The following ITGA8 variants were observed in gnomAD, a reference collection of about 807,000 sequenced individuals.
ITGA8 encodes integrin alpha-8.
A neutral mutation model predicts 142.3 loss-of-function variants in ITGA8; 91 were observed. That is an observed-to-expected ratio of 0.64 (90% confidence interval 0.54 to 0.76). The LOEUF is 0.76. Ranked by LOEUF, ITGA8 falls within the 30% of genes least tolerant of loss-of-function variation. ITGA8 has a pLI of 0.00. For synonymous variants in ITGA8, 505 were observed against 485.2 expected (o/e 1.04, Z -0.54); for missense variants, 1,406 against 1,327.7 (o/e 1.06, Z -0.92).
chr10:15,634,143 T>C (rs1833731142), intron 13 of ITGA8, among the ~76,000 whole-genome samples: 2 of 152,178 alleles, frequency 1.3e-5, no homozygotes, highest in South Asian at 4.2e-4. Flanking sequence ...CTTATCACCT[T>C]AGCAAGAAAC....
chr10:15,592,735 GC>G (rs1832947800), intron 21 of ITGA8, among the ~76,000 whole-genome samples: 1 of 152,150 alleles, frequency 6.6e-6, no homozygotes, highest in African/African-American at 2.4e-5. Flanking sequence ...CTCCCAAGTA[GC>G]AAGGGTCACA....
chr10:15,704,761 CACTG>C (rs1835227068), intron 2 of ITGA8, among the ~76,000 whole-genome samples: 1 of 152,178 alleles, frequency 6.6e-6, no homozygotes, highest in African/African-American at 2.4e-5. Context: ...GAAGGTGACT[CACTG>C]ACATAAATTT....
chr10:15,699,081 C>T (rs573010123), intron 2 of ITGA8, among the ~76,000 whole-genome samples: 9 of 152,210 alleles, frequency 5.9e-5, no homozygotes, highest in South Asian at 2.1e-4. Flanking sequence ...GTCAGGAGTT[C>T]GAAACGAGCA....
At chr10:15,690,273 A>AT (rs1275234336) in intron 2 of ITGA8, among the ~76,000 whole-genome samples, 1 of 151,990 alleles carries the variant, frequency 6.6e-6, no homozygotes, top group East Asian at 1.9e-4. Context: ...ACATTGTGGT[A>AT]TTTTTTCTCA....
intron 25 of ITGA8, among the ~76,000 whole-genome samples, chr10:15,563,767 T>C (rs10752400): frequency 0.49 from 74,375 of 151,718 alleles, 21,754 homozygotes; most frequent in Non-Finnish European, 0.64. Context: ...ATACAAAAAT[T>C]AGCCAGGCTG....
intron 11 of ITGA8, among the ~76,000 whole-genome samples, chr10:15,651,457 C>T (rs149257115): frequency 6.6e-6 from 1 of 152,046 alleles, no homozygotes; most frequent in Admixed American, 6.6e-5. Context: ...CTCAATCGTA[C>T]TTGGAGATTT....
intron 11 of ITGA8, among the ~76,000 whole-genome samples, chr10:15,648,594 G>T (rs1011007527): frequency 2.0e-5 from 3 of 151,692 alleles, no homozygotes; most frequent in African/African-American, 7.3e-5. Context: ...CTTACTAACA[G>T]ATTCCATATC....
intron 20 of ITGA8, among the ~76,000 whole-genome samples, chr10:15,600,699 T>G (rs1268093115): frequency 1.3e-5 from 2 of 152,296 alleles, no homozygotes; most frequent in Non-Finnish European, 2.9e-5. Flanking sequence ...GAAAGATGGA[T>G]TTTTTTCTAG....
rs1195802629 is a variant in ITGA8, at chr10:15,556,006, GTC to G, written c.2766+2066_2766+2067del. Among the ~76,000 whole-genome samples, 241 of 110,624 alleles carry G rather than the reference GTC, an allele frequency of 2.2e-3. 12 individuals carry two copies. Among genetic ancestry groups the G allele is most frequent in the African/African-American group, 6.4e-3 (191 of 29,994 alleles). The allele number at this position is 110,624 out of a possible 152,430, so 72.6% of individuals were successfully genotyped here. Reference sequence around the variant, plus strand: ...ATTTGCCCTGCGGTCTTCTGCCAGGGTCTCTCTCTCTCTTTTTTTTTTTTTTT... The same window carrying G: ...ATTTGCCCTGCGGTCTTCTGCCAGGGTCTCTCTCTCTTTTTTTTTTTTTTT... On this transcript the variant is annotated intron_variant, in intron 26 of 29. Transcript: ENST00000378076.
intron 26 of ITGA8, among the ~76,000 whole-genome samples, chr10:15,553,829 T>C (rs774633044): frequency 3.9e-5 from 6 of 151,980 alleles, no homozygotes; most frequent in Non-Finnish European, 8.8e-5. Context: ...GCTGAAACCC[T>C]GTCTTTACAA....
At chr10:15,690,431 G>T (rs967665453) in intron 2 of ITGA8, among the ~76,000 whole-genome samples, 4 of 152,174 alleles carry the variant, frequency 2.6e-5, no homozygotes, top group African/African-American at 9.7e-5. Context: ...CCTGCCTCCT[G>T]GGCCTCGGCT....
chr10:15,680,245 T>G (rs1272831001), intron 4 of ITGA8, among the ~76,000 whole-genome samples: 5 of 100,334 alleles, frequency 5.0e-5, no homozygotes, highest in East Asian at 3.0e-4. Flanking sequence ...TTTTTTTTTT[T>G]GAGATGGAGT....
At chr10:15,616,012 G>A (rs1833385215) in intron 14 of ITGA8, among the ~76,000 whole-genome samples, 1 of 152,162 alleles carries the variant, frequency 6.6e-6, no homozygotes, top group Non-Finnish European at 1.5e-5. Flanking sequence ...TTACAAATAA[G>A]TCAGTGTATG....
intron 2 of ITGA8, among the ~76,000 whole-genome samples, chr10:15,697,311 A>G (rs897134186): frequency 2.0e-5 from 3 of 152,196 alleles, no homozygotes; most frequent in African/African-American, 4.8e-5. Context: ...CATGAAACAC[A>G]GGTATTCTCA....
intron 22 of ITGA8, among the ~76,000 whole-genome samples, chr10:15,588,887 G>C (rs997299250): frequency 6.6e-6 from 1 of 152,154 alleles, no homozygotes; most frequent in African/African-American, 2.4e-5. Context: ...CCTTCTGGTC[G>C]GCTAATCAAA....
At chr10:15,574,713 A>ATAT (rs1834251377) in intron 24 of ITGA8, among the ~76,000 whole-genome samples, 1 of 123,824 alleles carries the variant, frequency 8.1e-6, no homozygotes, top group Admixed American at 9.7e-5. Flanking sequence ...GTATATATAT[A>ATAT]TTTTTTTTTT....
intron 22 of ITGA8, among the ~76,000 whole-genome samples, chr10:15,589,023 T>C (rs1425704298): frequency 6.6e-6 from 1 of 152,212 alleles, no homozygotes; most frequent in Non-Finnish European, 1.5e-5. Context: ...ACCTCTTTCC[T>C]GAAAGGAAAG....
chr10:15,602,924 A>C (rs1166786390), intron 20 of ITGA8, among the ~76,000 whole-genome samples: 3 of 152,198 alleles, frequency 2.0e-5, no homozygotes, highest in African/African-American at 7.2e-5. Context: ...TCAACATGGA[A>C]GAGTTAAGAA....
At chr10:15,689,751 C>T (rs1369081802) in intron 2 of ITGA8, among the ~76,000 whole-genome samples, 1 of 152,212 alleles carries the variant, frequency 6.6e-6, no homozygotes, top group Non-Finnish European at 1.5e-5. Context: ...TCACTATCCT[C>T]ACACAGACAC....
Sources: allele counts gnomAD v4.1 joint callset (sites outside exome capture counted in the v4.1 genomes callset), GRCh38; gene constraint gnomAD v4.1.1; transcripts MANE v1.5; gene names NCBI Gene and HGNC (gene_info 2026-07-23, HGNC 2026-07-21).